Variants in BAIAP2L1 observed in about 807,000 individuals in gnomAD.
The protein encoded by BAIAP2L1 is BAR/IMD domain containing adaptor protein 2 like 1, also known as BAR/IMD domain-containing adapter protein 2-like 1.
A neutral mutation model predicts 66.3 loss-of-function variants in BAIAP2L1; 35 were observed. The observed-to-expected ratio is 0.53, with a 90% confidence interval of 0.40 to 0.70. BAIAP2L1 has a LOEUF of 0.70. Among genes scored for constraint, BAIAP2L1 ranks in the 30% least tolerant of loss-of-function variants. BAIAP2L1 has a pLI of 0.00. For missense variants in BAIAP2L1, 622 were observed against 656.9 expected (o/e 0.95, Z 0.58); for synonymous variants, 269 against 248.7 (o/e 1.08, Z -0.77).
chr7:98,328,311 T>G (rs1464547989), intron 3 of BAIAP2L1, among the ~76,000 whole-genome samples: 1 of 152,068 alleles, frequency 6.6e-6, no homozygotes, highest in Non-Finnish European at 1.5e-5. Flanking sequence ...TATAGAGAAC[T>G]CAAGGACACG....
chr7:98,302,514 C>A (rs1475445847), intron 12 of BAIAP2L1, among the ~76,000 whole-genome samples: 1 of 152,208 alleles, frequency 6.6e-6, no homozygotes, highest in Non-Finnish European at 1.5e-5. Flanking sequence ...AACAGTCAAA[C>A]AAGCAAAACA....
chr7:98,391,484 C>T (rs955159365), intron 1 of BAIAP2L1, among the ~76,000 whole-genome samples: 5 of 151,624 alleles, frequency 3.3e-5, no homozygotes, highest in African/African-American at 7.3e-5. Context: ...ATGAGGCAGG[C>T]GGATCACAAG....
At chr7:98,400,133 G>C (rs1301693883) in intron 1 of BAIAP2L1, 1 of 150,878 alleles carries the variant, frequency 6.6e-6, no homozygotes, top group Non-Finnish European at 1.5e-5. Context: ...TTGGGAGGAG[G>C]ACGTGGGCCC....
intron 10 of BAIAP2L1, chr7:98,306,847 G>A (rs1562967032): frequency 3.1e-6 from 1 of 324,636 alleles, no homozygotes; most frequent in Non-Finnish European, 5.8e-6. Flanking sequence ...GCTGTGACTA[G>A]AAGTGTGCAC....
At chr7:98,332,496 T>C (rs1801520226) in intron 3 of BAIAP2L1, among the ~76,000 whole-genome samples, 1 of 147,808 alleles carries the variant, frequency 6.8e-6, no homozygotes, top group Non-Finnish European at 1.5e-5. Context: ...TTAGTAAAGA[T>C]GTCTCCTCTA....
chr7:98,382,774 A>G (rs933816126), intron 1 of BAIAP2L1, among the ~76,000 whole-genome samples: 1 of 152,204 alleles, frequency 6.6e-6, no homozygotes, highest in African/African-American at 2.4e-5. Context: ...GGGATTGTGG[A>G]ACCCTGCCCC....
intron 1 of BAIAP2L1, among the ~76,000 whole-genome samples, chr7:98,399,567 T>C (rs1803300603): frequency 6.6e-6 from 1 of 152,236 alleles, no homozygotes; most frequent in African/African-American, 2.4e-5. Flanking sequence ...ACCATTTATT[T>C]ATAACCTTAA....
chr7:98,385,561 G>C (rs989109087), intron 1 of BAIAP2L1, among the ~76,000 whole-genome samples: 1 of 151,472 alleles, frequency 6.6e-6, no homozygotes, highest in African/African-American at 2.4e-5. Context: ...ACAGCCACAC[G>C]CCCCCATGCC....
chr7:98,327,338 G>A (rs1013325056), intron 3 of BAIAP2L1, among the ~76,000 whole-genome samples: 1 of 150,606 alleles, frequency 6.6e-6, no homozygotes, highest in African/African-American at 2.4e-5. Flanking sequence ...TCCAGCCTAG[G>A]CAACAGAGCA....
chr7:98,315,465 A>G lies in BAIAP2L1; in HGVS notation c.634T>C (p.Leu212=). ...CAATTTGCCACCACACCCACCTGTA[A>G]GTGATAATAATGTATGTGGTTTGCA... ...GFANHIHYYH[L]QSAELLNSKL... is the part of the protein sequence containing the mutation. Residue 212 remains leucine, a synonymous_variant, in exon 7 of 14, where the codon TTA becomes CTA. Coordinates refer to ENST00000005260, the MANE Select transcript of BAIAP2L1 (RefSeq NM_018842.5). 2 of 1,472,728 alleles carry G rather than the reference A, an allele frequency of 1.4e-6. No individual in the cohort carries two copies. The allele number at this position is 1,472,728 out of a possible 1,614,324, so 91.2% of individuals were successfully genotyped here.
intron 3 of BAIAP2L1, among the ~76,000 whole-genome samples, chr7:98,332,514 T>C (rs1243922393): frequency 6.9e-6 from 1 of 145,002 alleles, no homozygotes; most frequent in Non-Finnish European, 1.5e-5. Context: ...CTAAAAAGTA[T>C]AACAAAGTAT....
At chr7:98,398,753 A>G (rs1211912741) in intron 1 of BAIAP2L1, among the ~76,000 whole-genome samples, 1 of 152,148 alleles carries the variant, frequency 6.6e-6, no homozygotes, top group Non-Finnish European at 1.5e-5. Context: ...CGGTCCCTCT[A>G]AGGAGTTATT....
intron 1 of BAIAP2L1, among the ~76,000 whole-genome samples, chr7:98,399,199 G>A (rs1369311426): frequency 6.6e-6 from 1 of 152,152 alleles, no homozygotes. Context: ...CCTCTATGAA[G>A]GCAACACACG....
chr7:98,337,096 G>A (rs1362071620), intron 3 of BAIAP2L1, among the ~76,000 whole-genome samples: 3 of 152,186 alleles, frequency 2.0e-5, no homozygotes, highest in African/African-American at 7.2e-5. Context: ...AAAGCGCACT[G>A]AGTCAGGGCC....
intron 1 of BAIAP2L1, among the ~76,000 whole-genome samples, chr7:98,385,523 C>T (rs1030724460): frequency 4.6e-5 from 7 of 151,750 alleles, no homozygotes; most frequent in Admixed American, 1.3e-4. Context: ...CGGACTCAAG[C>T]GATTCAGCCT....
intron 1 of BAIAP2L1, among the ~76,000 whole-genome samples, chr7:98,366,409 C>T (rs940303042): frequency 1.3e-5 from 2 of 152,166 alleles, no homozygotes; most frequent in Admixed American, 1.3e-4. Flanking sequence ...CCCCCACCTT[C>T]TGCGGCCCAG....
At chr7:98,348,186 GAAAGAGAGTA>G (rs1184142776) in intron 3 of BAIAP2L1, among the ~76,000 whole-genome samples, 1 of 152,092 alleles carries the variant, frequency 6.6e-6, no homozygotes, top group African/African-American at 2.4e-5. Context: ...AAAGATACAT[GAAAGAGAGTA>G]AAGGAGAGAC....
chr7:98,398,034 T>C (rs1222059365), intron 1 of BAIAP2L1, among the ~76,000 whole-genome samples: 3 of 152,174 alleles, frequency 2.0e-5, no homozygotes, highest in Non-Finnish European at 4.4e-5. Context: ...TTCCTCCTTT[T>C]CTCTAAAGTA....
At chr7:98,375,548 G>A (rs1382807781) in intron 1 of BAIAP2L1, among the ~76,000 whole-genome samples, 27 of 151,280 alleles carry the variant, frequency 1.8e-4, no homozygotes, top group Admixed American at 1.5e-3. Flanking sequence ...TAAGGAGTTC[G>A]AGACCAGCCT....
Sources: allele counts gnomAD v4.1 joint callset (sites outside exome capture counted in the v4.1 genomes callset), GRCh38; gene constraint gnomAD v4.1.1; transcripts MANE v1.5; gene names NCBI Gene and HGNC (gene_info 2026-07-23, HGNC 2026-07-21).